HUWE1: variants seen among roughly 807,000 people sequenced by gnomAD.
The protein encoded by HUWE1 is E3 ubiquitin-protein ligase HUWE1.
HUWE1 carries 18 observed loss-of-function variants against 299.4 expected under a neutral mutation model. The ratio of observed to expected loss-of-function variants is 0.06; its 90% confidence interval spans 0.04 to 0.09. The LOEUF (loss-of-function observed/expected upper bound fraction) is 0.09. HUWE1 is among the 10% of genes least tolerant of loss of function. HUWE1 has a pLI of 1.00. For missense variants in HUWE1, 1,832 were observed against 3,462.3 expected (o/e 0.53, Z 11.82); for synonymous variants, 1,317 against 1,286.1 (o/e 1.02, Z -0.51).
rs1342555859 is a variant in HUWE1 at position 53,634,966 on chromosome X, TTTAACA to T, written c.505-674_505-669del. Among the ~76,000 whole-genome samples the T allele has an allele frequency of 1.6e-4, 18 of 111,881 alleles. No homozygotes were observed. In the East Asian group the frequency reaches 5.0e-3, roughly 31 times the overall value. On this transcript the variant is annotated intron_variant, in intron 7 of 83. Coordinates refer to ENST00000262854, the MANE Select transcript of HUWE1 (RefSeq NM_031407.7). ...ATCTTAACAGCCTTTAAAATATCAC[TTTAACA>T]TTAAGAGCATTAACGTATTTTTATT...
chrX:53,623,230 T>C (rs1422901243), intron 19 of HUWE1, among the ~76,000 whole-genome samples: 1 of 111,540 alleles, frequency 9.0e-6, no homozygotes, highest in Non-Finnish European at 1.9e-5. Flanking sequence ...AATTGCTCCT[T>C]CTTCTAAGCT....
chrX:53,676,906 A>T (rs1409987572), intron 3 of HUWE1, among the ~76,000 whole-genome samples: 1 of 111,646 alleles, frequency 9.0e-6, no homozygotes, highest in Non-Finnish European at 1.9e-5. Flanking sequence ...CTTCCTATAT[A>T]AACTATATTG....
At chrX:53,575,371 G>A (rs1203667171) in intron 45 of HUWE1, 150 bp from the exon 46 acceptor site, 1 of 518,031 alleles carries the variant, frequency 1.9e-6, no homozygotes, top group East Asian at 3.6e-5. Context: ...ACTATAATCT[G>A]TGGGAGGCTA....
In HUWE1 at chrX:53,600,194, A is replaced by G. The variant is rs1288123926; in HGVS notation, c.3087T>C (p.Ala1029=). The part of the protein sequence containing the change: ...LAPMETDEPT[A]SDSKGKSKIT... ...TTTTAGATTTGCCCTTAGAGTCTGA[A>G]GCAGTAGGTTCATCTGTCTCCATGG... The change falls in exon 29 of 84, where the codon GCT becomes GCC. Residue 1029 remains alanine (A), a synonymous_variant. Coordinates refer to ENST00000262854, the MANE Select transcript of HUWE1 (RefSeq NM_031407.7). The G allele has an allele frequency of 3.3e-6, 4 of 1,209,139 alleles. No individual in the cohort carries two copies. The highest frequency in any genetic ancestry group is 4.4e-5 in the Admixed American group (2 of 45,854).
In HUWE1 at chrX:53,573,736, G is replaced by A; in HGVS notation, c.6312+14C>T. On this transcript the variant is annotated intron_variant, in intron 47 of 83. Transcript: ENST00000262854. ...GTACAGTGTAACATCTTAAATAGAA[G>A]TTGGAAATATTACCTCTTTGATCAG... 1.7e-6 allele frequency: 2 copies of A among 1,169,421 alleles called. No individual in the cohort carries two copies. Among genetic ancestry groups the A allele is most frequent in the South Asian group, 1.8e-5 (1 of 56,093 alleles).
At chrX:53,591,853 T>A (rs782066617) in intron 33 of HUWE1, among the ~76,000 whole-genome samples, 1 of 111,828 alleles carries the variant, frequency 8.9e-6, no homozygotes, top group Non-Finnish European at 1.9e-5. Flanking sequence ...GTAGACAGAT[T>A]TGAACAGGAC....
Position 53,543,892 on chromosome X carries a change from T to A in HUWE1, c.11328A>T (p.Ile3776=). Residue 3776 remains isoleucine, a synonymous_variant, in exon 73 of 84, where the codon ATA becomes ATT. Transcript: ENST00000262854. ...RQLEAEADAI[I]QMVREGQRAR... ...CCCTTTGACCCTCACGTACCATTTG[T>A]ATAATGGCATCAGCCTCAGCCTCCA... 8.3e-6 allele frequency: 10 copies of A among 1,210,560 alleles called. No individual in the cohort carries two copies. The highest frequency in any genetic ancestry group is 1.1e-5 in the Non-Finnish European group (10 of 894,694).
At chrX:53,534,880 C>T (rs1871467955) in intron 81 of HUWE1, among the ~76,000 whole-genome samples, 183 bp from the exon 82 acceptor site, 1 of 110,373 alleles carries the variant, frequency 9.1e-6, no homozygotes, top group Non-Finnish European at 1.9e-5. Context: ...CCTGCCTCAG[C>T]CTCCCAAAGT....
At position 53,593,426 on chromosome X, in the gene HUWE1, G is replaced by A; in HGVS notation, c.3679C>T (p.Pro1227Ser). Residue 1227 changes from proline (P) to serine (S), a missense_variant, in exon 32 of 84, where the codon CCT becomes TCT. By Grantham distance (74) the Pro-to-Ser change is moderately conservative. This residue lies in a region of HUWE1 where 658 missense variants were observed against 1,282.6 expected (regional missense o/e 0.51). Transcript: ENST00000262854. ...ESPHSLPAKL[P>S]GGVQNFPQFS... ...TGGGGAAAGTTCTGGACACCTCCAG[G>A]CAATTTGGCAGGCAGCGAATGTGGA... 8.3e-7 allele frequency: 1 copy of A among 1,211,236 alleles called. No individual in the cohort carries two copies. Among genetic ancestry groups the A allele is most frequent in the Non-Finnish European group, 1.1e-6 (1 of 895,044 alleles).
At chrX:53,650,003 G>A (rs1215744696) in intron 4 of HUWE1, among the ~76,000 whole-genome samples, 6 of 111,927 alleles carry the variant, frequency 5.4e-5, no homozygotes, top group African/African-American at 2.0e-4. Context: ...ATTGGGGCTT[G>A]CCAAAAGCAC....
chrX:53,541,814 T>C (rs782443685), intron 74 of HUWE1, among the ~76,000 whole-genome samples: 5 of 111,624 alleles, frequency 4.5e-5, no homozygotes, highest in African/African-American at 1.6e-4. Flanking sequence ...TGCAGTGAGC[T>C]ATGACTATGT....
intron 61 of HUWE1, among the ~76,000 whole-genome samples, 159 bp from the exon 62 acceptor site, chrX:53,553,052 A>G (rs782736084): frequency 1.0e-3 from 117 of 111,699 alleles, no homozygotes; most frequent in Middle Eastern, 4.7e-3. Flanking sequence ...GAGATTTCTA[A>G]GGTTCAGCTG....
chrX:53,677,095 C>A (rs1181669047), intron 3 of HUWE1, among the ~76,000 whole-genome samples: 1 of 94,430 alleles, frequency 1.1e-5, no homozygotes, highest in Admixed American at 1.2e-4. Flanking sequence ...ACCCCACCCC[C>A]CCGCAATATA....
Position 53,546,783 on chromosome X carries a change from C to G in HUWE1, c.10679G>C (p.Ser3560Thr), listed in dbSNP as rs1556923333. Residue 3560 changes from serine to threonine, a missense_variant, in exon 69 of 84, where the codon AGT becomes ACT. By Grantham distance (58) the Ser-to-Thr change is moderately conservative. Transcript: ENST00000262854. ...GTCTGTACTGCTGCTGCCCCCATCA[C>G]TCACCTTCGCTGGAGATTTGCTGCC... ...TKGSKSPAKV[S>T]DGGSSSTDFK... 5.0e-6 allele frequency: 6 copies of G among 1,209,973 alleles called. No homozygotes were observed. The highest frequency in any genetic ancestry group is 4.4e-5 in the Admixed American group (2 of 45,930).
chrX:53,660,402 T>C (rs1455484702), intron 3 of HUWE1, among the ~76,000 whole-genome samples: 2 of 112,585 alleles, frequency 1.8e-5, no homozygotes, highest in Admixed American at 1.9e-4. Context: ...CCATAACAAG[T>C]GCAGTCCTAC....
chrX:53,575,436 G>GA (rs1163885789), intron 45 of HUWE1, among the ~76,000 whole-genome samples: 4 of 109,823 alleles, frequency 3.6e-5, no homozygotes, highest in African/African-American at 1.3e-4. Flanking sequence ...AAAGGGAAAA[G>GA]AAAAAAAATT....
intron 42 of HUWE1, 97 bp downstream of exon 42, chrX:53,583,461 T>C (rs1004554766): frequency 9.4e-6 from 6 of 638,728 alleles, no homozygotes; most frequent in Non-Finnish European, 1.6e-5. Context: ...TCTAGCTATA[T>C]ACCCTAAGAA....
chrX:53,577,494 C>G (rs1350788660), intron 43 of HUWE1, among the ~76,000 whole-genome samples: 1 of 67,182 alleles, frequency 1.5e-5, no homozygotes, highest in Non-Finnish European at 3.6e-5. Flanking sequence ...TCCCTCCTCT[C>G]CCTCCTCTCC....
At chrX:53,666,974 T>G (rs1169288896) in intron 3 of HUWE1, among the ~76,000 whole-genome samples, 1 of 112,343 alleles carries the variant, frequency 8.9e-6, no homozygotes, top group African/African-American at 3.2e-5. Flanking sequence ...TCATTTAACC[T>G]TCATCTTTCC....
Sources: gnomAD v4.1 joint callset for allele counts (sites outside exome capture counted in the v4.1 genomes callset) on GRCh38, gnomAD v4.1.1 for gene constraint, gnomAD v4.1.1 regional missense constraint, MANE v1.5 for transcripts, NCBI Gene and HGNC (gene_info 2026-07-23, HGNC 2026-07-21) for gene names.